The following USH2A variants were observed in gnomAD, a reference collection of about 807,000 sequenced individuals.
USH2A encodes Usher syndrome 2A (autosomal recessive, mild).
A neutral mutation model predicts 538.9 loss-of-function variants in USH2A; 443 were observed. The observed-to-expected ratio is 0.82, with a 90% confidence interval of 0.76 to 0.89. The LOEUF is 0.89. USH2A is among the 40% of genes least tolerant of loss of function. The pLI, the probability that USH2A is intolerant of heterozygous loss-of-function variation, is 0.00. For missense variants in USH2A, 6,633 were observed against 6,324.8 expected (o/e 1.05, Z -1.65); for synonymous variants, 2,413 against 2,273.5 (o/e 1.06, Z -1.75).
rs200986510 is a variant in USH2A, at chr1:215,701,097, T to C, written c.12067-20721A>G. On this transcript the variant is annotated intron_variant, in intron 61 of 71. Coordinates refer to ENST00000307340, the MANE Select transcript of USH2A (RefSeq NM_206933.4). ...AGTCATTCAGGAGCAGGTTGTTCAATTTCCATGTAGTTGTGTGGTTTTGAG... is the reference window on the plus strand; with the variant it reads ...AGTCATTCAGGAGCAGGTTGTTCAACTTCCATGTAGTTGTGTGGTTTTGAG... Among the ~76,000 whole-genome samples, 19 of 152,364 alleles carry C rather than the reference T, an allele frequency of 1.2e-4. No individual in the cohort carries two copies. In the East Asian group the frequency reaches 1.9e-3, roughly 15 times the overall value.
At chr1:216,272,866 AT>A (rs888077294) in intron 11 of USH2A, among the ~76,000 whole-genome samples, 2 of 152,068 alleles carry the variant, frequency 1.3e-5, no homozygotes, top group Non-Finnish European at 2.9e-5. Context: ...CAGTTTTTTC[AT>A]GTATTTCATA....
chr1:215,795,265 T>C lies in USH2A; in HGVS notation c.9958+3642A>G, dbSNP rs548606503. Reference sequence around the variant, plus strand: ...TTCACAGTTTAGCTCAAGCCACACCTGCCAAAATCATACTCACTGTTTGAG... The same window carrying C: ...TTCACAGTTTAGCTCAAGCCACACCCGCCAAAATCATACTCACTGTTTGAG... On this transcript the variant is annotated intron_variant, in intron 50 of 71. Transcript: ENST00000307340. Among the ~76,000 whole-genome samples the C allele has an allele frequency of 2.6e-5, 4 of 152,326 alleles. No individual in the cohort carries two copies. The East Asian group carries it at 7.7e-4, about 29-fold the overall frequency.
intron 22 of USH2A, among the ~76,000 whole-genome samples, chr1:216,094,017 T>A (rs745441752): frequency 1.3e-5 from 2 of 152,198 alleles, no homozygotes; most frequent in Non-Finnish European, 2.9e-5. Flanking sequence ...AGGAACTCAC[T>A]TTGTATACTT....
At chr1:216,277,046 T>C (rs2036683169) in intron 11 of USH2A, among the ~76,000 whole-genome samples, 1 of 152,168 alleles carries the variant, frequency 6.6e-6, no homozygotes, top group African/African-American at 2.4e-5. Flanking sequence ...CTTACCTACC[T>C]ACATATCTAA....
intron 3 of USH2A, among the ~76,000 whole-genome samples, chr1:216,365,834 G>A (rs2038585538): frequency 6.6e-6 from 1 of 152,126 alleles, no homozygotes; most frequent in South Asian, 2.1e-4. Context: ...GGGCATGGCT[G>A]TGTCCAAATA....
chr1:216,150,577 C>T (rs568230948), intron 21 of USH2A, among the ~76,000 whole-genome samples: 21 of 152,268 alleles, frequency 1.4e-4, no homozygotes, highest in Non-Finnish European at 2.4e-4. Context: ...CCTACACCTC[C>T]GAACTTCCTT....
intron 11 of USH2A, among the ~76,000 whole-genome samples, chr1:216,252,098 A>G (rs1254945464): frequency 6.6e-6 from 1 of 152,220 alleles, no homozygotes; most frequent in Non-Finnish European, 1.5e-5. Flanking sequence ...GTGTCATTTT[A>G]TTCTTTAAGC....
chr1:215,743,088 T>G (rs1660351419), intron 59 of USH2A, 89 bp downstream of exon 59: 1 of 1,493,246 alleles, frequency 6.7e-7, no homozygotes, highest in Admixed American at 1.7e-5. Context: ...TCTTTATATT[T>G]GGACTGAGAA....
chr1:215,952,803 G>T (rs570883702), intron 37 of USH2A, among the ~76,000 whole-genome samples: 1 of 152,140 alleles, frequency 6.6e-6, no homozygotes, highest in Non-Finnish European at 1.5e-5. Flanking sequence ...CTCTATGGCT[G>T]CCCTTAACAT....
intron 38 of USH2A, among the ~76,000 whole-genome samples, chr1:215,927,564 C>T (rs984305658): frequency 4.0e-5 from 6 of 151,842 alleles, no homozygotes; most frequent in African/African-American, 1.5e-4. Context: ...AGTGTTCAAC[C>T]ACCAATCACA....
At chr1:215,968,986 T>C (rs1253265626) in intron 36 of USH2A, among the ~76,000 whole-genome samples, 1 of 152,162 alleles carries the variant, frequency 6.6e-6, no homozygotes. Context: ...AAAAAGAAGC[T>C]GAATCTGTAA....
At position 215,888,993 on chromosome 1, in the gene USH2A, G is replaced by A. The variant is rs373383107; in HGVS notation, c.7656C>T (p.Thr2552=). The A allele has an allele frequency of 1.9e-6, 3 of 1,614,032 alleles. No homozygotes were observed. In the African/African-American group the frequency reaches 4.0e-5, roughly 22 times the overall value. The change falls in exon 41 of 72, where the codon ACC becomes ACT. Residue 2552 remains threonine, a synonymous_variant. Transcript: ENST00000307340. ...LDVKSRMMLV[T]WQHPRKSNGV... is the part of the protein sequence containing the mutation. The stretch of plus-strand genomic sequence containing the variant: ...CATTGGATTTTCTAGGATGCTGCCA[G>A]GTGACCAACATCATTCTTGACTTCA...
At chr1:216,122,128 G>A (rs2033149717) in intron 21 of USH2A, among the ~76,000 whole-genome samples, 2 of 152,276 alleles carry the variant, frequency 1.3e-5, no homozygotes, top group Middle Eastern at 3.4e-3. Flanking sequence ...ATATATCATG[G>A]AGTAAAGCTG....
intron 4 of USH2A, among the ~76,000 whole-genome samples, chr1:216,354,019 G>C (rs2038335222): frequency 1.3e-5 from 2 of 152,246 alleles, no homozygotes; most frequent in East Asian, 3.9e-4. Flanking sequence ...TAAGAAAGAA[G>C]CAGCCATACA....
At chr1:215,952,138 A>G (rs1666935858) in intron 37 of USH2A, among the ~76,000 whole-genome samples, 1 of 152,164 alleles carries the variant, frequency 6.6e-6, no homozygotes, top group East Asian at 1.9e-4. Context: ...TGCTGGGATT[A>G]CAGGCGTGAG....
chr1:215,692,318 A>G (rs1658643961), intron 61 of USH2A, among the ~76,000 whole-genome samples: 1 of 152,132 alleles, frequency 6.6e-6, no homozygotes, highest in African/African-American at 2.4e-5. Flanking sequence ...CAGGAACAGG[A>G]GATGGTAGCT....
At chr1:216,382,250 C>T (rs1264705405) in intron 3 of USH2A, among the ~76,000 whole-genome samples, 1 of 152,112 alleles carries the variant, frequency 6.6e-6, no homozygotes, top group Non-Finnish European at 1.5e-5. Flanking sequence ...AGGATGAGTG[C>T]ATGTCTACTC....
At chr1:216,053,019 T>C (rs1396434327) in intron 30 of USH2A, among the ~76,000 whole-genome samples, 1 of 152,246 alleles carries the variant, frequency 6.6e-6, no homozygotes, top group Non-Finnish European at 1.5e-5. Context: ...TTTATCAATG[T>C]TTCCGCTATA....
In USH2A at chr1:216,365,011, T is replaced by C; in HGVS notation, c.726A>G (p.Leu242=). Residue 242 remains leucine (L), a synonymous_variant, in exon 4 of 72, where the codon CTA becomes CTG. Coordinates refer to ENST00000307340, the MANE Select transcript of USH2A (RefSeq NM_206933.4). ...ATGCAAAATCTGTAATTGAACCACTTAGAGTTCTTGCATTGAAAGGTGTAT... is the reference window on the plus strand; with the variant it reads ...ATGCAAAATCTGTAATTGAACCACTCAGAGTTCTTGCATTGAAAGGTGTAT... ...KDHTPFNART[L]SGSITDFASG... is the part of the protein sequence containing the mutation. 8 of 1,613,734 alleles carry C rather than the reference T, an allele frequency of 5.0e-6. No homozygotes were observed. The highest frequency in any genetic ancestry group is 6.8e-6 in the Non-Finnish European group (8 of 1,179,766).
Sources: allele counts gnomAD v4.1 joint callset (sites outside exome capture counted in the v4.1 genomes callset), GRCh38; gene constraint gnomAD v4.1.1; transcripts MANE v1.5; gene names NCBI Gene and HGNC (gene_info 2026-07-23, HGNC 2026-07-21).